Variants in LHFPL3 observed in about 807,000 individuals in gnomAD.
LHFPL3 encodes the protein LHFPL tetraspan subfamily member 3 protein.
In LHFPL3, 5 loss-of-function variants were observed where a neutral mutation model predicts 19.3. The ratio of observed to expected loss-of-function variants is 0.26; its 90% CI spans 0.14 to 0.54. The LOEUF is 0.54. Among genes scored for constraint, LHFPL3 ranks in the 20% least tolerant of loss-of-function variants. The pLI is 0.94. For synonymous variants in LHFPL3, 133 were observed against 126.2 expected, an observed-to-expected ratio of 1.05 and a Z score of -0.36; for missense variants, 249 against 307.4, an observed-to-expected ratio of 0.81 and a Z score of 1.42.
intron 1 of LHFPL3, among the ~76,000 whole-genome samples, chr7:104,509,772 A>T (rs1793775293): frequency 6.6e-6 from 1 of 152,072 alleles, no homozygotes. Flanking sequence ...AAAATAAAAG[A>T]CATACAGATA....
intron 1 of LHFPL3, among the ~76,000 whole-genome samples, chr7:104,407,117 G>T (rs1449082146): frequency 6.6e-6 from 1 of 152,076 alleles, no homozygotes; most frequent in Non-Finnish European, 1.5e-5. Context: ...ATCTGACCTC[G>T]TACTGGATAC....
At chr7:104,483,292 C>T (rs1394633318) in intron 1 of LHFPL3, among the ~76,000 whole-genome samples, 1 of 152,138 alleles carries the variant, frequency 6.6e-6, no homozygotes, top group Non-Finnish European at 1.5e-5. Context: ...AAAAATTTCC[C>T]ACAAGTGGTG....
At chr7:104,812,770 C>G (rs1402514069) in intron 2 of LHFPL3, among the ~76,000 whole-genome samples, 2 of 130,828 alleles carry the variant, frequency 1.5e-5, no homozygotes, top group Admixed American at 9.3e-5. Flanking sequence ...CACCACTGCA[C>G]TCCAGCCTGG....
intron 1 of LHFPL3, among the ~76,000 whole-genome samples, chr7:104,404,035 T>C (rs73403876): frequency 1.3e-5 from 2 of 152,184 alleles, no homozygotes; most frequent in Non-Finnish European, 2.9e-5. Flanking sequence ...CTGCCCTTGT[T>C]CTATAACAGT....
At chr7:104,785,093 TTTC>T (rs1167324073) in intron 2 of LHFPL3, 2 of 152,330 alleles carry the variant, frequency 1.3e-5, no homozygotes, top group East Asian at 1.9e-4. Flanking sequence ...TTCAAAAATA[TTTC>T]TTAATTTTTT....
chr7:104,447,740 T>C (rs1192669511), intron 1 of LHFPL3, among the ~76,000 whole-genome samples: 1 of 152,170 alleles, frequency 6.6e-6, no homozygotes, highest in Non-Finnish European at 1.5e-5. Flanking sequence ...CATTTAGGTA[T>C]TCTCTGTTCT....
chr7:104,424,570 TCAAC>T (rs1352787364), intron 1 of LHFPL3, among the ~76,000 whole-genome samples: 3 of 152,312 alleles, frequency 2.0e-5, no homozygotes, highest in African/African-American at 7.2e-5. Context: ...ATTTAAAAGG[TCAAC>T]CAACCAGGTC....
chr7:104,550,129 G>A (rs1263068205), intron 1 of LHFPL3, among the ~76,000 whole-genome samples: 3 of 151,984 alleles, frequency 2.0e-5, no homozygotes, highest in Non-Finnish European at 4.4e-5. Context: ...CTTTTTGCTT[G>A]GAGAAGGTCA....
intron 1 of LHFPL3, among the ~76,000 whole-genome samples, chr7:104,467,641 G>A (rs754953586): frequency 2.2e-4 from 33 of 152,132 alleles, no homozygotes; most frequent in Non-Finnish European, 2.8e-4. Flanking sequence ...ATATAGATGC[G>A]TATTCAATTT....
At chr7:104,645,068 T>C (rs142938524) in intron 1 of LHFPL3, among the ~76,000 whole-genome samples, 8 of 152,320 alleles carry the variant, frequency 5.3e-5, no homozygotes, top group African/African-American at 1.9e-4. Flanking sequence ...GGTTTTTCCA[T>C]TGAATTTTAT....
chr7:104,856,444 T>C (rs957781174), intron 2 of LHFPL3, among the ~76,000 whole-genome samples: 1 of 151,902 alleles, frequency 6.6e-6, no homozygotes, highest in South Asian at 2.1e-4. Context: ...GAAACAGCGT[T>C]TCACCATGTT....
intron 2 of LHFPL3, among the ~76,000 whole-genome samples, chr7:104,849,132 T>C (rs1485174022): frequency 2.0e-5 from 3 of 152,174 alleles, no homozygotes; most frequent in East Asian, 1.9e-4. Context: ...GGTTTCACTG[T>C]GTTGCCCAGG....
intron 1 of LHFPL3, among the ~76,000 whole-genome samples, chr7:104,561,224 T>C (rs1364951532): frequency 6.7e-6 from 1 of 149,800 alleles, no homozygotes; most frequent in Non-Finnish European, 1.5e-5. Flanking sequence ...TGAGTTCAAT[T>C]CCTGGGTATC....
intron 2 of LHFPL3, among the ~76,000 whole-genome samples, chr7:104,885,998 G>T (rs1792140346): frequency 6.6e-6 from 1 of 152,046 alleles, no homozygotes; most frequent in African/African-American, 2.4e-5. Flanking sequence ...CATTCCTTCA[G>T]GGAAAGTGTC....
intron 1 of LHFPL3, among the ~76,000 whole-genome samples, chr7:104,372,489 G>T (rs1790634406): frequency 6.6e-6 from 1 of 152,050 alleles, no homozygotes; most frequent in Non-Finnish European, 1.5e-5. Context: ...GCAGTTATTG[G>T]TCTACAAACT....
intron 1 of LHFPL3, among the ~76,000 whole-genome samples, chr7:104,446,596 G>A (rs1450877996): frequency 6.6e-6 from 1 of 152,018 alleles, no homozygotes; most frequent in African/African-American, 2.4e-5. Context: ...TTGTGTATGA[G>A]ATGGAGTCTC....
At chr7:104,506,345 A>T (rs41041) in intron 1 of LHFPL3, among the ~76,000 whole-genome samples, 21,073 of 151,584 alleles carry the variant, frequency 0.14, 1,585 homozygotes, top group East Asian at 0.21. Context: ...ATTCTTCAGG[A>T]CTCAGCTTAG....
intron 1 of LHFPL3, among the ~76,000 whole-genome samples, chr7:104,488,529 GTCTCTCTC>G (rs151004429): frequency 6.6e-6 from 1 of 150,756 alleles, no homozygotes; most frequent in Non-Finnish European, 1.5e-5. Flanking sequence ...TGTATAATCT[GTCTCTCTC>G]TCTCTCTCTC....
At chr7:104,410,942 T>C (rs1224821007) in intron 1 of LHFPL3, among the ~76,000 whole-genome samples, 2 of 152,204 alleles carry the variant, frequency 1.3e-5, no homozygotes, top group African/African-American at 2.4e-5. Context: ...TTTCCTGAAT[T>C]GTACAGGAAA....
Sources: allele counts gnomAD v4.1 joint callset (sites outside exome capture counted in the v4.1 genomes callset), GRCh38; gene constraint gnomAD v4.1.1; transcripts MANE v1.5; gene names NCBI Gene and HGNC (gene_info 2026-07-23, HGNC 2026-07-21).